ASTN2: variants seen among roughly 807,000 people sequenced by gnomAD.
ASTN2 encodes the protein astrotactin-2.
In ASTN2, 54 loss-of-function variants were observed where a neutral mutation model predicts 139.8. The ratio of observed to expected loss-of-function variants is 0.39; its 90% CI spans 0.31 to 0.48. The LOEUF is 0.48. Ranked by LOEUF, ASTN2 falls within the 20% of genes least tolerant of loss-of-function variation. The pLI, the probability that ASTN2 is intolerant of heterozygous loss-of-function variation, is 0.95. For synonymous variants in ASTN2, 756 were observed against 719.5 expected (o/e 1.05, Z -0.81); for missense variants, 1,565 against 1,725.1 (o/e 0.91, Z 1.64).
chr9:116,692,458 T>G (rs1342367492), intron 16 of ASTN2, among the ~76,000 whole-genome samples: 1 of 152,210 alleles, frequency 6.6e-6, no homozygotes, highest in Non-Finnish European at 1.5e-5. Flanking sequence ...GGTACTGTAC[T>G]TAGTGCTTTA....
chr9:116,637,801 A>C (rs991990490), intron 17 of ASTN2, among the ~76,000 whole-genome samples: 3 of 152,146 alleles, frequency 2.0e-5, no homozygotes, highest in Admixed American at 1.3e-4. Context: ...TTATCCAAGC[A>C]TGGTGGCATG....
intron 10 of ASTN2, among the ~76,000 whole-genome samples, chr9:116,974,968 C>T (rs977389326): frequency 6.6e-6 from 1 of 152,192 alleles, no homozygotes; most frequent in Non-Finnish European, 1.5e-5. Context: ...CTAGATAATG[C>T]ATCAGCCTCT....
chr9:116,981,494 A>G (rs1034341737), intron 7 of ASTN2, among the ~76,000 whole-genome samples: 1 of 152,256 alleles, frequency 6.6e-6, no homozygotes, highest in South Asian at 2.1e-4. Context: ...AAGATCAGCT[A>G]GTTCAAACTT....
At chr9:116,657,276 C>T (rs986747654) in intron 16 of ASTN2, among the ~76,000 whole-genome samples, 1 of 152,054 alleles carries the variant, frequency 6.6e-6, no homozygotes, top group Admixed American at 6.6e-5. Flanking sequence ...ATAATAGTAC[C>T]AACCTAAAAG....
rs561535513 is a variant in ASTN2 at position 117,148,642 on chromosome 9, A to ATCT, written c.1016-7167_1016-7165dup. On this transcript the variant is annotated intron_variant, in intron 3 of 22. Coordinates refer to ENST00000313400, the MANE Select transcript of ASTN2 (RefSeq NM_001365068.1). ...AGTTTTAGGATAATTTTAACCTCAG[A>ATCT]TCTGATAGTCAATTTTGTGCGCCAA... is the stretch of plus-strand genomic sequence containing the variant. 4.4e-3 allele frequency among the ~76,000 whole-genome samples: 663 copies of ATCT among 152,348 alleles called. 3 individuals carry two copies. The highest frequency in any genetic ancestry group is 0.015 in the African/African-American group (619 of 41,582).
At chr9:116,935,630 C>T (rs761086376) in intron 10 of ASTN2, among the ~76,000 whole-genome samples, 2 of 152,170 alleles carry the variant, frequency 1.3e-5, no homozygotes, top group African/African-American at 2.4e-5. Flanking sequence ...TGCCATCTGG[C>T]AGAACAGGAT....
intron 6 of ASTN2, among the ~76,000 whole-genome samples, chr9:117,035,232 C>T (rs966579091): frequency 6.6e-6 from 1 of 152,144 alleles, no homozygotes; most frequent in Non-Finnish European, 1.5e-5. Context: ...GAGCTGCCCT[C>T]ATCCTGACAG....
chr9:117,343,229 T>C (rs80001694), intron 1 of ASTN2, among the ~76,000 whole-genome samples: 1,713 of 152,344 alleles, frequency 0.011, 21 homozygotes, highest in Non-Finnish European at 0.019. Flanking sequence ...TCTACCTTTC[T>C]GAATGTGCCA....
At chr9:116,549,095 G>C (rs1393424905) in intron 19 of ASTN2, among the ~76,000 whole-genome samples, 1 of 152,002 alleles carries the variant, frequency 6.6e-6, no homozygotes, top group Non-Finnish European at 1.5e-5. Flanking sequence ...CCAAACTAAG[G>C]GATGAGTTTA....
At chr9:116,981,167 C>T (rs1413604619) in intron 7 of ASTN2, among the ~76,000 whole-genome samples, 1 of 152,166 alleles carries the variant, frequency 6.6e-6, no homozygotes, top group East Asian at 1.9e-4. Context: ...CCTGTTCCCC[C>T]ACTAAGCTGG....
In ASTN2 at chr9:116,840,721, G is replaced by A. The variant is rs543046956; in HGVS notation, c.2041-19938C>T. Among the ~76,000 whole-genome samples, 287 of 139,766 alleles carry A rather than the reference G, an allele frequency of 2.1e-3. 2 individuals are homozygous for A. Among genetic ancestry groups the A allele is most frequent in the African/African-American group, 7.0e-3 (266 of 37,934 alleles). 91.7% of individuals were successfully genotyped at this position (139,766 alleles called of 152,430 possible). A position where few individuals can be genotyped will look rare whatever the true frequency, so the allele number is the denominator to read the frequency against. On this transcript the variant is annotated intron_variant, in intron 11 of 22. Coordinates refer to ENST00000313400, the MANE Select transcript of ASTN2 (RefSeq NM_001365068.1). ...TCAGACGGGGCGTCCGGGCAGAGAC[G>A]CTCCTCACATCCCGGACGGGGCGGC...
At chr9:117,050,418 A>G (rs375666552) in intron 5 of ASTN2, among the ~76,000 whole-genome samples, 55 of 152,224 alleles carry the variant, frequency 3.6e-4, no homozygotes, top group Non-Finnish European at 7.4e-4. Context: ...GTGATGGCCT[A>G]GTAAATACTG....
intron 19 of ASTN2, among the ~76,000 whole-genome samples, chr9:116,518,065 A>C (rs1210823834): frequency 6.6e-6 from 1 of 152,200 alleles, no homozygotes; most frequent in Admixed American, 6.5e-5. Context: ...AACAAATCTA[A>C]AAGACTGGAG....
At chr9:117,204,274 G>A (rs937500127) in intron 3 of ASTN2, among the ~76,000 whole-genome samples, 3 of 152,156 alleles carry the variant, frequency 2.0e-5, no homozygotes, top group Admixed American at 1.3e-4. Context: ...GGCCAGGCTG[G>A]TCTGGAACTC....
intron 2 of ASTN2, among the ~76,000 whole-genome samples, chr9:117,279,047 T>G (rs1466691686): frequency 6.6e-6 from 1 of 152,242 alleles, no homozygotes; most frequent in Non-Finnish European, 1.5e-5. Flanking sequence ...TTTAAAACGC[T>G]TTTGTTTTTT....
At chr9:117,141,160 G>A (rs1347862125) in intron 4 of ASTN2, among the ~76,000 whole-genome samples, 166 bp downstream of exon 4, 1 of 152,184 alleles carries the variant, frequency 6.6e-6, no homozygotes, top group Non-Finnish European at 1.5e-5. Context: ...AGCTCTGGGT[G>A]TAGGGAGCAT....
chr9:117,160,580 T>C (rs972290080), intron 3 of ASTN2, among the ~76,000 whole-genome samples: 2 of 152,078 alleles, frequency 1.3e-5, no homozygotes, highest in East Asian at 1.9e-4. Flanking sequence ...ACATATTATA[T>C]ATTTATTTTT....
chr9:116,937,177 T>C (rs1267883304), intron 10 of ASTN2, among the ~76,000 whole-genome samples: 1 of 152,166 alleles, frequency 6.6e-6, no homozygotes, highest in African/African-American at 2.4e-5. Flanking sequence ...TTTTCCGCCT[T>C]AAAATGCTTT....
At chr9:116,993,397 A>G (rs191744907) in intron 7 of ASTN2, among the ~76,000 whole-genome samples, 1 of 152,090 alleles carries the variant, frequency 6.6e-6, no homozygotes, top group East Asian at 1.9e-4. Flanking sequence ...CCTGTCTTGA[A>G]CAGTCTGCTC....
Sources: gnomAD v4.1 joint callset for allele counts (sites outside exome capture counted in the v4.1 genomes callset) on GRCh38, gnomAD v4.1.1 for gene constraint, MANE v1.5 for transcripts, NCBI Gene and HGNC (gene_info 2026-07-23, HGNC 2026-07-21) for gene names.